Variants in UGGT2 observed in about 807,000 individuals in gnomAD.
The protein encoded by UGGT2 is UDP-glucose glycoprotein glucosyltransferase 2, also known as UDP-glucose:glycoprotein glucosyltransferase 2.
In UGGT2, 180 loss-of-function variants were observed where a neutral mutation model predicts 192.1. The ratio of observed to expected loss-of-function variants is 0.94; its 90% CI spans 0.83 to 1.06. UGGT2 has a LOEUF of 1.06. UGGT2 is among the 50% of genes least tolerant of loss of function. The pLI is 0.00. For synonymous variants in UGGT2, 580 were observed against 591.0 expected (o/e 0.98, Z 0.27); for missense variants, 1,849 against 1,795.7 (o/e 1.03, Z -0.54).
chr13:95,992,160 C>A (rs893224593), intron 7 of UGGT2, among the ~76,000 whole-genome samples: 1 of 152,008 alleles, frequency 6.6e-6, no homozygotes, highest in African/African-American at 2.4e-5. Flanking sequence ...TAGAGCTAGA[C>A]TCCGTCTCAA....
intron 38 of UGGT2, among the ~76,000 whole-genome samples, chr13:95,815,087 G>C (rs977227292): frequency 2.0e-5 from 3 of 152,086 alleles, no homozygotes. Flanking sequence ...GCCTGATAAA[G>C]GACATCTATG....
At chr13:95,825,278 T>C (rs191764712) in intron 38 of UGGT2, among the ~76,000 whole-genome samples, 4 of 152,248 alleles carry the variant, frequency 2.6e-5, no homozygotes. Flanking sequence ...AGGAACCTGT[T>C]GTAGCTAAAG....
At chr13:95,880,968 AT>A (rs1252748183) in intron 27 of UGGT2, among the ~76,000 whole-genome samples, 1 of 152,098 alleles carries the variant, frequency 6.6e-6, no homozygotes, top group Non-Finnish European at 1.5e-5. Context: ...AGGTCAGGAG[AT>A]CAAGACCATC....
chr13:95,853,712 T>C, intron 35 of UGGT2, 55 bp from the exon 36 acceptor site: 1 of 1,271,306 alleles, frequency 7.9e-7, no homozygotes. Flanking sequence ...GTTTTAGTTT[T>C]ACTTTCCTCC....
At chr13:95,961,764 AT>A (rs1420468728) in intron 12 of UGGT2, among the ~76,000 whole-genome samples, 5 of 152,204 alleles carry the variant, frequency 3.3e-5, no homozygotes, top group Admixed American at 3.3e-4. Context: ...CCAATATTTC[AT>A]CCAATAGCTA....
rs548655303 is a variant in UGGT2, at chr13:95,877,068, C to T, written c.3473+211G>A. The T allele has an allele frequency of 6.7e-4, 271 of 405,022 alleles. 2 individuals are homozygous for T. The highest frequency in any genetic ancestry group is 4.9e-3 in the African/African-American group (237 of 48,276). The allele number at this position is 405,022 out of a possible 1,614,324, so 25.1% of individuals were successfully genotyped here. On this transcript the variant is annotated intron_variant, in intron 29 of 38. Transcript: ENST00000376747. ...CTGGCAAATTTTTGTATTTTTAGTA[C>T]AGATGGGGTTTTGCCATGTTGGCCA...
chr13:96,050,047 G>A (rs1440890907), intron 1 of UGGT2, among the ~76,000 whole-genome samples: 2 of 152,126 alleles, frequency 1.3e-5, no homozygotes, highest in Non-Finnish European at 2.9e-5. Flanking sequence ...AAAGAACAAA[G>A]CTGGAGGCAT....
intron 25 of UGGT2, among the ~76,000 whole-genome samples, chr13:95,889,861 A>G (rs2047750927): frequency 1.3e-5 from 2 of 152,300 alleles, no homozygotes; most frequent in East Asian, 3.9e-4. Context: ...ATAGGACAGC[A>G]TACATCTAAC....
intron 29 of UGGT2, among the ~76,000 whole-genome samples, chr13:95,869,235 G>A (rs1039617877): frequency 2.6e-5 from 4 of 151,990 alleles, no homozygotes; most frequent in Admixed American, 6.5e-5. Flanking sequence ...TTTTATGGCT[G>A]CATAGTATTC....
intron 8 of UGGT2, among the ~76,000 whole-genome samples, chr13:95,989,091 G>C (rs1218591095): frequency 6.6e-6 from 1 of 151,938 alleles, no homozygotes; most frequent in African/African-American, 2.4e-5. Context: ...TAGTTTTTTG[G>C]GGGGATGATG....
At position 95,867,354 on chromosome 13, in the gene UGGT2, C is replaced by G. The variant is rs1466356860; in HGVS notation, c.3543G>C (p.Lys1181Asn). 6.2e-7 allele frequency: 1 copy of G among 1,607,534 alleles called. No homozygotes were observed. Among genetic ancestry groups the G allele is most frequent in the Admixed American group, 1.7e-5 (1 of 58,920 alleles). Residue 1181 changes from lysine to asparagine, a missense_variant, in exon 30 of 39, where the codon AAG becomes AAC. Physicochemically the swap from Lys to Asn is moderately conservative, Grantham distance 94. Transcript: ENST00000376747. ...IIVVLNSFKS[K>N]ILKVKVKKET... ...CCCCACATACTTTTACTTTGAGTATCTTGCTTTTGAAGCTGTTTAATACAA... is the reference window on the plus strand; with the variant it reads ...CCCCACATACTTTTACTTTGAGTATGTTGCTTTTGAAGCTGTTTAATACAA...
chr13:95,910,236 TAAC>T (rs1179391894), intron 20 of UGGT2, among the ~76,000 whole-genome samples: 2 of 152,090 alleles, frequency 1.3e-5, no homozygotes, highest in Non-Finnish European at 2.9e-5. Flanking sequence ...AATTTACACA[TAAC>T]AATATTAACC....
chr13:95,808,145 T>C (rs1884411179), intron 38 of UGGT2, among the ~76,000 whole-genome samples: 1 of 152,146 alleles, frequency 6.6e-6, no homozygotes, highest in Non-Finnish European at 1.5e-5. Context: ...ACAGGCAACA[T>C]ACTTCCTGAT....
chr13:95,909,836 A>G (rs115244698), intron 20 of UGGT2, among the ~76,000 whole-genome samples: 1,821 of 149,730 alleles, frequency 0.012, 34 homozygotes, highest in African/African-American at 0.031. Context: ...AAGGGCAACC[A>G]GAGAGAAAGG....
intron 12 of UGGT2, among the ~76,000 whole-genome samples, chr13:95,961,795 A>G (rs974132700): frequency 3.3e-5 from 5 of 152,204 alleles, no homozygotes; most frequent in African/African-American, 1.2e-4. Context: ...CATTCTTCTT[A>G]CCAGCAGATG....
intron 4 of UGGT2, among the ~76,000 whole-genome samples, chr13:96,019,898 C>G (rs908624934): frequency 1.3e-5 from 2 of 152,192 alleles, no homozygotes; most frequent in African/African-American, 4.8e-5. Flanking sequence ...GCAGAGGCAG[C>G]CCGAAGAGCC....
intron 38 of UGGT2, among the ~76,000 whole-genome samples, chr13:95,815,347 A>G (rs1199577762): frequency 6.6e-6 from 1 of 152,266 alleles, no homozygotes; most frequent in Non-Finnish European, 1.5e-5. Context: ...AGGACCCATT[A>G]TGAAAAAATT....
intron 36 of UGGT2, among the ~76,000 whole-genome samples, chr13:95,845,075 T>C (rs1226331844): frequency 6.6e-6 from 1 of 152,174 alleles, no homozygotes; most frequent in African/African-American, 2.4e-5. Context: ...TGTATTTTAG[T>C]CCTTAATATA....
At chr13:96,010,518 T>TA (rs1225382310) in intron 5 of UGGT2, among the ~76,000 whole-genome samples, 1 of 152,096 alleles carries the variant, frequency 6.6e-6, no homozygotes, top group Non-Finnish European at 1.5e-5. Context: ...CTTCCCTCAC[T>TA]ACTCCCCATT....
Sources: allele counts gnomAD v4.1 joint callset (sites outside exome capture counted in the v4.1 genomes callset), GRCh38; gene constraint gnomAD v4.1.1; transcripts MANE v1.5; gene names NCBI Gene and HGNC (gene_info 2026-07-23, HGNC 2026-07-21).